GOLGA3: variants seen among roughly 807,000 people sequenced by gnomAD.
The protein encoded by GOLGA3 is golgin subfamily A member 3.
Under a neutral mutation model 169.4 loss-of-function variants are expected in GOLGA3, and 75 were observed. The ratio of observed to expected loss-of-function variants is 0.44; its 90% CI spans 0.37 to 0.54. GOLGA3 has a LOEUF of 0.54. GOLGA3 is among the 20% of genes least tolerant of loss of function. GOLGA3 has a pLI of 0.00. For missense variants in GOLGA3, 1,899 were observed against 1,930.0 expected, an observed-to-expected ratio of 0.98 and a Z score of 0.30; for synonymous variants, 824 against 822.4, an observed-to-expected ratio of 1.00 and a Z score of -0.03.
At chr12:132,822,677 T>C (rs1366862641) in intron 1 of GOLGA3, among the ~76,000 whole-genome samples, 1 of 152,170 alleles carries the variant, frequency 6.6e-6, no homozygotes, top group Non-Finnish European at 1.5e-5. Context: ...TCCCAGCACT[T>C]TGGGAGGCCG....
In GOLGA3 at chr12:132,778,906, C is replaced by A. The variant is rs868405221; in HGVS notation, c.3583-1101G>T. Reference sequence around the variant, plus strand: ...GAGACTCCGTCTGAAAAAAAAAAAACCGAAAAAAATTCAGTGAACCCTAAG... The same window carrying A: ...GAGACTCCGTCTGAAAAAAAAAAAAACGAAAAAAATTCAGTGAACCCTAAG... On this transcript the variant is annotated intron_variant, in intron 18 of 23. Transcript: ENST00000450791. Among the ~76,000 whole-genome samples, 461 of 145,222 alleles carry A rather than the reference C, an allele frequency of 3.2e-3. 1 individual carries two copies. The highest frequency in any genetic ancestry group is 4.3e-3 in the Non-Finnish European group (284 of 66,298).
chr12:132,774,637 C>T, intron 22 of GOLGA3: 1 of 429,308 alleles, frequency 2.3e-6, no homozygotes, highest in Non-Finnish European at 4.1e-6. Context: ...TACTCAAGAC[C>T]TTGATGTGGA....
chr12:132,816,982 C>T (rs1223556063), intron 2 of GOLGA3, among the ~76,000 whole-genome samples, 170 bp from the exon 3 acceptor site: 1 of 152,122 alleles, frequency 6.6e-6, no homozygotes, highest in Admixed American at 6.5e-5. Context: ...CCCCGTCCCA[C>T]AGGCGGGGTG....
intron 17 of GOLGA3, among the ~76,000 whole-genome samples, chr12:132,781,264 CA>C (rs557191652): frequency 6.8e-5 from 10 of 147,370 alleles, no homozygotes; most frequent in East Asian, 2.0e-4. Context: ...GACCCTGTCT[CA>C]AAAAAAAAAG....
intron 4 of GOLGA3, among the ~76,000 whole-genome samples, chr12:132,810,781 A>G (rs1313079836): frequency 1.3e-5 from 2 of 151,796 alleles, no homozygotes; most frequent in Non-Finnish European, 2.9e-5. Flanking sequence ...AGAAGACTCT[A>G]CTCCTCCACC....
At chr12:132,822,927 C>T (rs1950276969) in intron 1 of GOLGA3, among the ~76,000 whole-genome samples, 1 of 152,208 alleles carries the variant, frequency 6.6e-6, no homozygotes, top group Admixed American at 6.5e-5. Context: ...ATCTCAAAAA[C>T]AATTTAAAAA....
At chr12:132,795,808 A>C (rs1041625714) in intron 11 of GOLGA3, 44 bp downstream of exon 11, 1 of 1,566,952 alleles carries the variant, frequency 6.4e-7, no homozygotes, top group African/African-American at 1.4e-5. Context: ...TCATTCCTGC[A>C]AGGAGGGTTC....
chr12:132,775,947 C>T (rs12810366), intron 21 of GOLGA3, among the ~76,000 whole-genome samples: 33,047 of 152,274 alleles, frequency 0.22, 3,826 homozygotes, highest in South Asian at 0.39. Flanking sequence ...GTCCGTGACA[C>T]ACAGCGCGGC....
At position 132,825,253 on chromosome 12, in the gene GOLGA3, C is replaced by A. The variant is rs976468333; in HGVS notation, c.-183-2942G>T. The stretch of plus-strand genomic sequence containing the variant: ...TAAAGGAACCGACGGTGTGTGCCTG[C>A]GCGTGCAGACCCTCCTGGCCCCGCA... On this transcript the variant is annotated intron_variant, in intron 1 of 23. Transcript: ENST00000450791. Among the ~76,000 whole-genome samples, 10 of 152,232 alleles carry A rather than the reference C, an allele frequency of 6.6e-5. No homozygotes were observed. The South Asian group carries it at 2.1e-3, about 32-fold the overall frequency.
At chr12:132,774,083 C>G in intron 23 of GOLGA3, 74 bp downstream of exon 23, 1 of 1,367,042 alleles carries the variant, frequency 7.3e-7, no homozygotes, top group Non-Finnish European at 1.0e-6. Flanking sequence ...GTACTGGCAC[C>G]AGGAGTGCCC....
Position 132,786,430 on chromosome 12 carries a change from T to A in GOLGA3, c.3032A>T (p.Gln1011Leu). The change falls in exon 15 of 24, where the codon CAG becomes CTG. Residue 1011 changes from glutamine to leucine, a missense_variant. Coordinates refer to ENST00000450791, the MANE Select transcript of GOLGA3 (RefSeq NM_001389683.1). The stretch of plus-strand genomic sequence containing the variant: ...AGCCTCCTTGGCCGCGAGGGCCTCC[T>A]GCAGGCGGCGGCTGAGGATGCCCAC... ...NAVGILSRRL[Q>L]EALAAKEAAD... The A allele has an allele frequency of 6.2e-7, 1 of 1,613,512 alleles. No homozygotes were observed. The highest frequency in any genetic ancestry group is 8.5e-7 in the Non-Finnish European group (1 of 1,179,832).
chr12:132,816,926 T>C, intron 2 of GOLGA3, 114 bp from the exon 3 acceptor site: 1 of 960,492 alleles, frequency 1.0e-6, no homozygotes, highest in Non-Finnish European at 1.5e-6. Flanking sequence ...AGCACGGCAC[T>C]TTCTCATCCC....
intron 2 of GOLGA3, among the ~76,000 whole-genome samples, chr12:132,818,336 T>C (rs1420013345): frequency 1.3e-5 from 2 of 152,248 alleles, no homozygotes; most frequent in African/African-American, 4.8e-5. Flanking sequence ...CTCAGCTCAC[T>C]GCAAGCTCCA....
chr12:132,795,890 C>T lies in GOLGA3; in HGVS notation c.2431G>A (p.Glu811Lys). ...ATAGCTAATTCTTCTCTTAACTTCT[C>T]TAAAGTTTCCGACGTTTCCTCGGTA... ...EGTEETSETL[E>K]KLREELAIKS... Residue 811 changes from glutamate (E) to lysine (K), a missense_variant, in exon 11 of 24, where the codon GAG becomes AAG. Coordinates refer to ENST00000450791, the MANE Select transcript of GOLGA3 (RefSeq NM_001389683.1). The T allele has an allele frequency of 6.2e-7, 1 of 1,614,102 alleles. No homozygotes were observed. The highest frequency in any genetic ancestry group is 8.5e-7 in the Non-Finnish European group (1 of 1,179,972).
At chr12:132,820,210 G>A (rs1024816673) in intron 2 of GOLGA3, among the ~76,000 whole-genome samples, 13 of 150,872 alleles carry the variant, frequency 8.6e-5, no homozygotes, top group Non-Finnish European at 1.5e-4. Flanking sequence ...GTGCTGACAC[G>A]CATCGATAGT....
intron 13 of GOLGA3, 39 bp from the exon 14 acceptor site, chr12:132,786,826 A>G (rs778120771): frequency 7.4e-7 from 1 of 1,358,090 alleles, no homozygotes; most frequent in East Asian, 2.3e-5. Flanking sequence ...CGGCACTGCC[A>G]CCCCCAGCCT....
chr12:132,807,478 C>T (rs945688989), intron 5 of GOLGA3, among the ~76,000 whole-genome samples, 190 bp from the exon 6 acceptor site: 2 of 152,202 alleles, frequency 1.3e-5, no homozygotes, highest in Admixed American at 6.5e-5. Context: ...GTTGGCACCT[C>T]ACGCAGTGGG....
chr12:132,807,774 C>CCCA, intron 5 of GOLGA3, 117 bp downstream of exon 5: 1 of 209,436 alleles, frequency 4.8e-6, no homozygotes, highest in Non-Finnish European at 9.4e-6. Flanking sequence ...ACCCCGCCCC[C>CCCA]TCTGTTGGCC....
intron 4 of GOLGA3, among the ~76,000 whole-genome samples, chr12:132,809,984 C>T (rs4758906): frequency 0.34 from 51,097 of 151,568 alleles, 9,462 homozygotes; most frequent in East Asian, 0.52. Flanking sequence ...GTGGTTCACA[C>T]CTGTAATCCC....
Sources: gnomAD v4.1 joint callset for allele counts (sites outside exome capture counted in the v4.1 genomes callset) on GRCh38, gnomAD v4.1.1 for gene constraint, MANE v1.5 for transcripts, NCBI Gene and HGNC (gene_info 2026-07-23, HGNC 2026-07-21) for gene names.